ST3GAL6: variants seen among roughly 807,000 people sequenced by gnomAD.
ST3GAL6 encodes the protein type 2 lactosamine alpha-2,3-sialyltransferase.
Under a neutral mutation model 40.5 loss-of-function variants are expected in ST3GAL6, and 31 were observed. The observed-to-expected ratio is 0.77, with a 90% confidence interval of 0.58 to 1.03. The LOEUF (loss-of-function observed/expected upper bound fraction) is 1.03. ST3GAL6 is among the 50% of genes least tolerant of loss of function. The pLI is 0.00. For missense variants in ST3GAL6, 357 were observed against 393.2 expected (o/e 0.91, Z 0.78); for synonymous variants, 129 against 136.9 (o/e 0.94, Z 0.40).
chr3:98,778,547 A>G (rs1477215887), intron 5 of ST3GAL6, among the ~76,000 whole-genome samples: 3 of 152,366 alleles, frequency 2.0e-5, no homozygotes, highest in South Asian at 4.1e-4. Context: ...GTGAATATGC[A>G]GAAGCAGCCC....
At chr3:98,752,155 T>C (rs536807166) in intron 1 of ST3GAL6, among the ~76,000 whole-genome samples, 2 of 152,318 alleles carry the variant, frequency 1.3e-5, no homozygotes, top group African/African-American at 4.8e-5. Context: ...ATTTTACAAG[T>C]TTTATGTGGC....
intron 1 of ST3GAL6, chr3:98,756,651 C>G: frequency 1.1e-6 from 1 of 920,048 alleles, no homozygotes; most frequent in Non-Finnish European, 1.4e-6. Flanking sequence ...ATCCCCTCTT[C>G]TATGAATACA....
At chr3:98,759,996 C>T (rs1488311304), upstream of ST3GAL6, among the ~76,000 whole-genome samples, 1 of 152,084 alleles carries the variant, frequency 6.6e-6, no homozygotes, top group African/African-American at 2.4e-5. Flanking sequence ...ACAAAAAACC[C>T]CACAAACATT....
In ST3GAL6 at chr3:98,794,529, T is replaced by TGAA. The variant is rs1941458135; in HGVS notation, c.*770_*772dup. The TGAA allele has an allele frequency of 6.6e-6, 1 of 152,196 alleles. No homozygotes were observed. Among genetic ancestry groups the TGAA allele is most frequent in the Non-Finnish European group, 1.5e-5 (1 of 68,030 alleles). 9.4% of individuals were successfully genotyped at this position (152,196 alleles called of 1,614,324 possible). A position where few individuals can be genotyped will look rare whatever the true frequency, so the allele number is the denominator to read the frequency against. On this transcript the variant is annotated 3_prime_UTR_variant, in exon 10 of 10. Coordinates refer to ENST00000483910, the MANE Select transcript of ST3GAL6 (RefSeq NM_001323368.2). ...CCTGACTTACTTATTCATTAAATTTTGAAGGTTTTCCACTTGAAGTAAATT... is the reference window on the plus strand; with the variant it reads ...CCTGACTTACTTATTCATTAAATTTTGAAGAAGGTTTTCCACTTGAAGTAAATT...
At chr3:98,747,614 G>A (rs953868901) in intron 1 of ST3GAL6, among the ~76,000 whole-genome samples, 4 of 152,084 alleles carry the variant, frequency 2.6e-5, no homozygotes, top group Non-Finnish European at 5.9e-5. Flanking sequence ...CTACTCCAAG[G>A]AATGTACAAA....
intron 1 of ST3GAL6, among the ~76,000 whole-genome samples, chr3:98,742,738 G>A (rs1288382221): frequency 7.8e-6 from 1 of 128,966 alleles, no homozygotes; most frequent in East Asian, 2.3e-4. Flanking sequence ...TGCTCTTGTT[G>A]CCCAGGCAAG....
In ST3GAL6 at chr3:98,782,685, GTATT is replaced by G. The variant is rs1250537745; in HGVS notation, c.336-2258_336-2255del. On this transcript the variant is annotated intron_variant, in intron 5 of 9. Transcript: ENST00000483910. ...AATACTTTGAGATACCATATTGCTG[GTATT>G]TCAAAAACTGCTGCCAGCAGGGAGG... 9 of 441,674 alleles carry G rather than the reference GTATT, an allele frequency of 2.0e-5. No homozygotes were observed. In the Admixed American group the frequency reaches 3.0e-4, roughly 15 times the overall value. The allele number at this position is 441,674 out of a possible 1,614,324, so 27.4% of individuals were successfully genotyped here.
intron 1 of ST3GAL6, among the ~76,000 whole-genome samples, chr3:98,743,000 CTT>C (rs71120599): frequency 9.6e-4 from 86 of 89,482 alleles, no homozygotes; most frequent in South Asian, 4.1e-3. Context: ...ATGCCAGGCT[CTT>C]TTTTTTTTTT....
At chr3:98,733,237 C>T in intron 1 of ST3GAL6, 1 of 967,544 alleles carries the variant, frequency 1.0e-6, no homozygotes, top group Non-Finnish European at 1.2e-6. Context: ...AGCCGGCGTG[C>T]GCCGCAGCCA....
At chr3:98,732,959 C>A in intron 1 of ST3GAL6, 1 of 1,505,490 alleles carries the variant, frequency 6.6e-7, no homozygotes, top group Admixed American at 2.1e-5. Flanking sequence ...CGCTCCTGGG[C>A]CTCGGCGGGT....
At chr3:98,756,375 C>G (rs752827276) in intron 1 of ST3GAL6, 1 of 1,289,698 alleles carries the variant, frequency 7.8e-7, no homozygotes, top group South Asian at 1.2e-5. Context: ...TCAGCATTTG[C>G]AAGTGAGGAA....
intron 5 of ST3GAL6, among the ~76,000 whole-genome samples, chr3:98,784,030 A>G (rs1249116832): frequency 1.3e-5 from 2 of 152,154 alleles, no homozygotes; most frequent in Non-Finnish European, 2.9e-5. Flanking sequence ...TTTGCTACTC[A>G]TTGATTTCCT....
intron 1 of ST3GAL6, among the ~76,000 whole-genome samples, chr3:98,747,345 G>T (rs1451184999): frequency 6.6e-6 from 1 of 152,112 alleles, no homozygotes; most frequent in Non-Finnish European, 1.5e-5. Context: ...CTTTTTCAGA[G>T]ATTCATAGTG....
intron 1 of ST3GAL6, among the ~76,000 whole-genome samples, chr3:98,766,565 T>A (rs1410527434): frequency 6.6e-6 from 1 of 151,946 alleles, no homozygotes; most frequent in Non-Finnish European, 1.5e-5. Context: ...GGATTGCAGG[T>A]GCCTGCCATC....
chr3:98,743,087 C>A (rs1936253523), intron 1 of ST3GAL6, among the ~76,000 whole-genome samples: 3 of 147,842 alleles, frequency 2.0e-5, no homozygotes, highest in Non-Finnish European at 3.0e-5. Context: ...TGGCTCACTG[C>A]AACCTCTGCT....
At chr3:98,755,757 G>T (rs1354943441) in intron 1 of ST3GAL6, among the ~76,000 whole-genome samples, 2 of 151,872 alleles carry the variant, frequency 1.3e-5, no homozygotes, top group Non-Finnish European at 2.9e-5. Context: ...CTGTGTGTGT[G>T]TGTTAGTCTT....
intron 1 of ST3GAL6, among the ~76,000 whole-genome samples, chr3:98,749,306 A>T (rs923331425): frequency 3.3e-5 from 5 of 152,250 alleles, no homozygotes; most frequent in Non-Finnish European, 1.5e-5. Flanking sequence ...ATAATAAATT[A>T]TAAGTTGCCC....
chr3:98,769,986 C>T (rs1264688198), intron 2 of ST3GAL6, among the ~76,000 whole-genome samples: 2 of 151,972 alleles, frequency 1.3e-5, no homozygotes, highest in Admixed American at 6.6e-5. Flanking sequence ...TGTTTTCCTG[C>T]GTAAGGAGTT....
At chr3:98,768,767 C>T (rs1378467292) in intron 2 of ST3GAL6, among the ~76,000 whole-genome samples, 1 of 152,112 alleles carries the variant, frequency 6.6e-6, no homozygotes, top group Non-Finnish European at 1.5e-5. Context: ...TGGTGTTAAC[C>T]ATCTTTGGGT....
Sources: gnomAD v4.1 joint callset for allele counts (sites outside exome capture counted in the v4.1 genomes callset) on GRCh38, gnomAD v4.1.1 for gene constraint, MANE v1.5 for transcripts, NCBI Gene and HGNC (gene_info 2026-07-23, HGNC 2026-07-21) for gene names.